Variants in CLN8 observed in about 807,000 individuals in gnomAD.
The protein encoded by CLN8 is protein CLN8.
CLN8 carries 14 observed loss-of-function variants against 15.7 expected under a neutral mutation model. That is an observed-to-expected ratio of 0.89 (90% CI 0.59 to 1.39). CLN8 has a LOEUF of 1.39. CLN8 is among the 40% of genes most tolerant of loss of function. The pLI is 0.00. For missense variants in CLN8, 415 were observed against 364.0 expected (o/e 1.14, Z -1.14); for synonymous variants, 188 against 151.0 (o/e 1.25, Z -1.80).
intron 1 of CLN8, chr8:1,765,078 A>G (rs1400893347): frequency 6.6e-6 from 1 of 152,258 alleles, no homozygotes; most frequent in South Asian, 2.1e-4. Flanking sequence ...ATTGGCCGTC[A>G]TGGAGGCTGT....
In CLN8 at chr8:1,783,176, A is replaced by G. The variant is rs1801749803; in HGVS notation, c.*2609A>G. The stretch of plus-strand genomic sequence containing the variant: ...GTGGAGCATGGTACAAGCGACATTC[A>G]TGAGCTCTGACTTCTTGGTGCCAGG... On this transcript the variant is annotated 3_prime_UTR_variant, in exon 3 of 3. Transcript: ENST00000331222. The G allele has an allele frequency of 6.6e-6, 1 of 152,298 alleles. No homozygotes were observed. 9.4% of individuals were successfully genotyped at this position (152,298 alleles called of 1,614,324 possible).
Position 1,771,095 on chromosome 8 carries a change from T to C in CLN8, c.41T>C (p.Phe14Ser), listed in dbSNP as rs957551479. The change falls in exon 2 of 3, where the codon TTT (phenylalanine) becomes TCT (serine). Residue 14 changes from phenylalanine (F) to serine (S), a missense_variant. Transcript: ENST00000331222. The part of the protein sequence containing the change: ...ASDGGTSESI[F>S]DLDYASWGIR... ...GATGGGGGCACATCAGAGAGCATTT[T>C]TGACCTGGACTATGCATCCTGGGGG... 1.9e-6 allele frequency: 3 copies of C among 1,613,980 alleles called. No individual in the cohort carries two copies. In the African/African-American group the frequency reaches 4.0e-5, roughly 22 times the overall value.
chr8:1,757,353 G>C (rs886676077), intron 1 of CLN8, among the ~76,000 whole-genome samples: 1 of 152,190 alleles, frequency 6.6e-6, no homozygotes, highest in African/African-American at 2.4e-5. Context: ...CACGGGAGGG[G>C]GCGTAGAGGA....
At chr8:1,763,501 GCCCCGCCC>G (rs1800879985), upstream of CLN8, among the ~76,000 whole-genome samples, 21 of 44 alleles carry the variant, frequency 0.48, no homozygotes, top group African/African-American at 0.5. Context: ...CCCCCGCCGC[GCCCCGCCC>G]CCCGCCGCGC....
upstream of CLN8, among the ~76,000 whole-genome samples, chr8:1,761,602 G>T (rs1452194215): frequency 6.6e-6 from 1 of 152,236 alleles, no homozygotes; most frequent in Admixed American, 6.5e-5. Flanking sequence ...TGGGATTACA[G>T]GTGTGAGCCA....
At chr8:1,764,287 G>C (rs1018781075) in intron 1 of CLN8, 1 of 152,224 alleles carries the variant, frequency 6.6e-6, no homozygotes, top group African/African-American at 2.4e-5. Context: ...GGTTGGGCGT[G>C]GGGGGCTCCT....
upstream of CLN8, chr8:1,755,760 G>C (rs1470618814): frequency 6.6e-6 from 1 of 152,180 alleles, no homozygotes; most frequent in Non-Finnish European, 1.5e-5. Context: ...CATGCTGAGT[G>C]ATTCTAACCT....
At chr8:1,756,271 C>G (rs758679575) in intron 1 of CLN8, among the ~76,000 whole-genome samples, 1 of 152,110 alleles carries the variant, frequency 6.6e-6, no homozygotes, top group Non-Finnish European at 1.5e-5. Context: ...ATCATGAGGT[C>G]AGGAGTTCAA....
At chr8:1,761,788 A>C (rs1288684661), upstream of CLN8, among the ~76,000 whole-genome samples, 1 of 152,236 alleles carries the variant, frequency 6.6e-6, no homozygotes, top group Admixed American at 6.5e-5. Context: ...CAGTTTATCC[A>C]TCTGGATGGT....
At chr8:1,767,116 C>T (rs1371548630) in intron 1 of CLN8, among the ~76,000 whole-genome samples, 1 of 152,198 alleles carries the variant, frequency 6.6e-6, no homozygotes, top group Non-Finnish European at 1.5e-5. Context: ...CTGAGGAGTT[C>T]ACCTCCTTTG....
At chr8:1,775,901 C>T (rs144216758) in intron 2 of CLN8, among the ~76,000 whole-genome samples, 108 of 152,338 alleles carry the variant, frequency 7.1e-4, no homozygotes, top group African/African-American at 2.4e-3. Context: ...ATAACAAAGA[C>T]GATTCTCAGT....
chr8:1,765,562 T>C (rs1454615309), intron 1 of CLN8, among the ~76,000 whole-genome samples: 1 of 152,214 alleles, frequency 6.6e-6, no homozygotes, highest in Non-Finnish European at 1.5e-5. Context: ...ATAATTCTCA[T>C]GTAAATAGCT....
intron 2 of CLN8, among the ~76,000 whole-genome samples, chr8:1,777,413 T>C (rs1037686563): frequency 6.6e-6 from 1 of 152,202 alleles, no homozygotes; most frequent in Non-Finnish European, 1.5e-5. Flanking sequence ...CTCTGTGTAC[T>C]TAAGCAATGC....
At position 1,771,010 on chromosome 8, in the gene CLN8, G is replaced by A. The variant is rs758683794; in HGVS notation, c.-45G>A. On this transcript the variant is annotated 5_prime_UTR_variant, in exon 2 of 3. Coordinates refer to ENST00000331222, the MANE Select transcript of CLN8 (RefSeq NM_018941.4). ...TTAGACAAGACACAGTGTAGGGCCC[G>A]GCCCGTGTTGGCCCCAGGACTCCTT... 1.4e-5 allele frequency: 22 copies of A among 1,595,664 alleles called. No individual in the cohort carries two copies. The highest frequency in any genetic ancestry group is 1.7e-4 in the Middle Eastern group (1 of 6,002).
intron 1 of CLN8, among the ~76,000 whole-genome samples, chr8:1,768,649 T>C (rs116512819): frequency 1.8e-4 from 28 of 152,254 alleles, no homozygotes; most frequent in African/African-American, 6.7e-4. Flanking sequence ...ATGGATGCTA[T>C]TCCTTGCCTG....
At chr8:1,777,529 A>G (rs1230124989) in intron 2 of CLN8, among the ~76,000 whole-genome samples, 3 of 152,210 alleles carry the variant, frequency 2.0e-5, no homozygotes, top group Non-Finnish European at 4.4e-5. Context: ...CTCTTTTGTA[A>G]TAACACTTAG....
At chr8:1,772,005 G>C (rs1175319150) in intron 2 of CLN8, among the ~76,000 whole-genome samples, 1 of 151,696 alleles carries the variant, frequency 6.6e-6, no homozygotes, top group African/African-American at 2.4e-5. Flanking sequence ...GCATGGTTTC[G>C]GCTCACTGCA....
At chr8:1,754,407 G>T (rs549351701), upstream of CLN8, among the ~76,000 whole-genome samples, 1 of 152,118 alleles carries the variant, frequency 6.6e-6, no homozygotes, top group Non-Finnish European at 1.5e-5. Context: ...TAAAAATGAA[G>T]TTTCCCTCTC....
upstream of CLN8, among the ~76,000 whole-genome samples, chr8:1,754,177 T>C (rs7844748): frequency 0.74 from 112,657 of 152,160 alleles, 42,007 homozygotes; most frequent in South Asian, 0.78. Flanking sequence ...ACCACGAGCA[T>C]GATCCTATCA....
Sources: gnomAD v4.1 joint callset for allele counts (sites outside exome capture counted in the v4.1 genomes callset) on GRCh38, gnomAD v4.1.1 for gene constraint, MANE v1.5 for transcripts, NCBI Gene and HGNC (gene_info 2026-07-23, HGNC 2026-07-21) for gene names.